The following PSMB8 variants were observed in gnomAD, a reference collection of about 807,000 sequenced individuals.
The protein encoded by PSMB8 is proteasome 20S subunit beta 8, also known as proteasome subunit beta type-8.
Under a neutral mutation model 32.3 loss-of-function variants are expected in PSMB8, and 20 were observed. The ratio of observed to expected loss-of-function variants is 0.62; its 90% CI spans 0.44 to 0.90. The LOEUF is 0.90. Among genes scored for constraint, PSMB8 ranks in the 40% least tolerant of loss-of-function variants. PSMB8 has a pLI of 0.00. For synonymous variants in PSMB8, 131 were observed against 135.4 expected (o/e 0.97, Z 0.23); for missense variants, 342 against 365.4 (o/e 0.94, Z 0.52).
At chr6:32,842,414 C>CAT in intron 3 of PSMB8, 151 bp from the exon 4 acceptor site, 3 of 1,154,152 alleles carry the variant, frequency 2.6e-6, no homozygotes, top group Non-Finnish European at 3.8e-6. Context: ...GTATCTGAAA[C>CAT]ATACAAAGGC....
At chr6:32,844,504 G>A (rs890888535), upstream of PSMB8, 43 of 1,505,586 alleles carry the variant, frequency 2.9e-5, no homozygotes, top group Admixed American at 7.3e-4. Flanking sequence ...TACCCGCCGC[G>A]TGTAGGGGAA....
In PSMB8 at chr6:32,843,057, G is replaced by A. The variant is rs757858465; in HGVS notation, c.180C>T (p.Asp60=). ...TCTCAATCTGAACGTTCCTTTCTCC[G>A]TCCCCACCCAGGGACTGGAAGAATT... The part of the protein sequence containing the change: ...PTEFFQSLGG[D]GERNVQIEMA... The change falls in exon 2 of 6, where the codon GAC becomes GAT. Residue 60 remains aspartate, a synonymous_variant. Transcript: ENST00000374882. 5.8e-5 allele frequency: 94 copies of A among 1,612,936 alleles called. No homozygotes were observed. Among genetic ancestry groups the A allele is most frequent in the Non-Finnish European group, 7.5e-5 (88 of 1,180,048 alleles).
chr6:32,844,248 C>T, upstream of PSMB8: 1 of 1,612,660 alleles, frequency 6.2e-7, no homozygotes, highest in East Asian at 2.2e-5. Flanking sequence ...CTTCAAAAGC[C>T]CACTTGGCGA....
chr6:32,844,559 G>C (rs995129129), upstream of PSMB8: 27 of 961,294 alleles, frequency 2.8e-5, no homozygotes, highest in Non-Finnish European at 3.9e-5. Flanking sequence ...TTTCCACGGG[G>C]TCCATCCTAG....
In PSMB8 at chr6:32,843,815, C is replaced by G. The variant is rs370511103; in HGVS notation, c.147+35G>C. 431 of 1,610,908 alleles carry G rather than the reference C, an allele frequency of 2.7e-4. 1 individual carries two copies. Among genetic ancestry groups the G allele is most frequent in the Non-Finnish European group, 3.5e-4 (413 of 1,179,698 alleles). ...ACCCTCCACTCCTCAGCGCCCGCCT[C>G]CCTGCATCCCTAGGGGCTTCCCTAC... On this transcript the variant is annotated intron_variant, in intron 1 of 5. Coordinates refer to ENST00000374882, the MANE Select transcript of PSMB8 (RefSeq NM_148919.4).
upstream of PSMB8, chr6:32,844,538 G>A (rs902462956): frequency 3.3e-6 from 4 of 1,200,140 alleles, no homozygotes; most frequent in Non-Finnish European, 4.8e-6. Flanking sequence ...AGAGGGCGCA[G>A]TCTCTGAATC....
upstream of PSMB8, chr6:32,844,160 T>A: frequency 6.6e-7 from 1 of 1,517,646 alleles, no homozygotes; most frequent in Non-Finnish European, 8.9e-7. Flanking sequence ...GGGACCGGCT[T>A]CTCTGCTCTC....
At chr6:32,844,235 C>A (rs1195103623), upstream of PSMB8, 2 of 1,609,478 alleles carry the variant, frequency 1.2e-6, no homozygotes, top group East Asian at 2.2e-5. Flanking sequence ...AAGGAACAGG[C>A]GCCTTCAAAA....
intron 1 of PSMB8, among the ~76,000 whole-genome samples, chr6:32,843,347 T>C (rs191482095): frequency 6.6e-6 from 1 of 152,346 alleles, no homozygotes; most frequent in Non-Finnish European, 1.5e-5. Context: ...CTAAAAAATT[T>C]TGAGAGTGAC....
At chr6:32,841,490 G>A (rs368092847) in intron 5 of PSMB8, 41 bp downstream of exon 5, 94 of 1,583,240 alleles carry the variant, frequency 5.9e-5, no homozygotes, top group East Asian at 1.1e-4. Context: ...ACCACCCGCC[G>A]ACTCCTCCCA....
At chr6:32,842,382 A>C in intron 3 of PSMB8, 119 bp from the exon 4 acceptor site, 5 of 1,365,772 alleles carry the variant, frequency 3.7e-6, no homozygotes, top group Non-Finnish European at 5.1e-6. Flanking sequence ...TCTAAAGATC[A>C]GAGAAAGATT....
In PSMB8 at chr6:32,843,868, A is replaced by G. The variant is rs2071542; in HGVS notation, c.129T>C (p.Ala43=). The change falls in exon 1 of 6, where the codon GCT becomes GCC. Residue 43 remains alanine (A), a synonymous_variant. Coordinates refer to ENST00000374882, the MANE Select transcript of PSMB8 (RefSeq NM_148919.4). ...YSFSMRSPEL[A]LPRGMQPTEF... ...CCCCGACCTGCATTCCCCGGGGTAA[A>G]GCGAGCTCTGGAGATCGCATAGAGA... 0.044 allele frequency: 70,501 copies of G among 1,612,690 alleles called. 1,888 individuals carry two copies. Among genetic ancestry groups the G allele is most frequent in the Admixed American group, 0.087 (5,238 of 59,998 alleles).
intron 3 of PSMB8, among the ~76,000 whole-genome samples, 173 bp downstream of exon 3, chr6:32,842,497 TGA>T (rs1769976634): frequency 1.3e-5 from 2 of 152,240 alleles, no homozygotes; most frequent in Admixed American, 6.5e-5. Context: ...ATCTGGCTTA[TGA>T]GTGGAGCACA....
chr6:32,842,912 G>C lies in PSMB8; in HGVS notation c.295+30C>G, dbSNP rs559472095. ...GTGGAAAGGAGAGCCCAGCTCCCCA[G>C]ATTCTGCCTGCTGGAGCGTATACAC... On this transcript the variant is annotated intron_variant, in intron 2 of 5. Coordinates refer to ENST00000374882, the MANE Select transcript of PSMB8 (RefSeq NM_148919.4). 7.0e-5 allele frequency: 113 copies of C among 1,613,926 alleles called. No homozygotes were observed. In the East Asian group the frequency reaches 2.5e-3, roughly 36 times the overall value.
chr6:32,844,251 C>G (rs1173553696), upstream of PSMB8: 3 of 1,613,078 alleles, frequency 1.9e-6, no homozygotes, highest in South Asian at 3.3e-5. Flanking sequence ...CAAAAGCCCA[C>G]TTGGCGATGG....
In PSMB8 at chr6:32,843,030, C is replaced by T. The variant is rs1330174091; in HGVS notation, c.207G>A (p.Met69Ile). 1.2e-6 allele frequency: 2 copies of T among 1,612,972 alleles called. No homozygotes were observed. Among genetic ancestry groups the T allele is most frequent in the East Asian group, 4.5e-5 (2 of 44,900 alleles). The stretch of plus-strand genomic sequence containing the variant: ...AGGCGAGCGTGGTGGTGCCATGGGC[C>T]ATCTCAATCTGAACGTTCCTTTCTC... ...GDGERNVQIE[M>I]AHGTTTLAFK... Residue 69 changes from methionine (M) to isoleucine (I), a missense_variant, in exon 2 of 6, where the codon ATG (methionine) becomes ATA (isoleucine). Transcript: ENST00000374882.
intron 5 of PSMB8, 152 bp downstream of exon 5, chr6:32,841,379 A>G (rs1378564281): frequency 7.6e-6 from 6 of 789,176 alleles, no homozygotes; most frequent in Non-Finnish European, 1.3e-5. Context: ...CTGGGACTAC[A>G]GGCACCCGTC....
At chr6:32,844,478 C>T (rs1206931012), upstream of PSMB8, 6 of 1,590,654 alleles carry the variant, frequency 3.8e-6, no homozygotes, top group Admixed American at 1.0e-4. Flanking sequence ...GGTCCTGGGC[C>T]AACTGCAACA....
In PSMB8 at chr6:32,841,532, A is replaced by G; in HGVS notation, c.741T>C (p.Asn247=). 3.7e-6 allele frequency: 6 copies of G among 1,611,882 alleles called. No homozygotes were observed. Among genetic ancestry groups the G allele is most frequent in the Non-Finnish European group, 5.1e-6 (6 of 1,179,988 alleles). ...GTGGTGGGAGCATTGGTCTCTTACT[A>G]TTGACAACGCCTCCAGAATAGCTGT... ...HRDSYSGGVV[N]MYHMKEDGWV... Residue 247 remains asparagine, a splice_region_variant and synonymous_variant, in exon 5 of 6, where the codon AAT becomes AAC. Coordinates refer to ENST00000374882, the MANE Select transcript of PSMB8 (RefSeq NM_148919.4).
Sources: gnomAD v4.1 joint callset for allele counts (sites outside exome capture counted in the v4.1 genomes callset) on GRCh38, gnomAD v4.1.1 for gene constraint, MANE v1.5 for transcripts, NCBI Gene and HGNC (gene_info 2026-07-23, HGNC 2026-07-21) for gene names.